ITK: variants seen among roughly 807,000 people sequenced by gnomAD.
The protein encoded by ITK is tyrosine-protein kinase ITK/TSK.
ITK carries 45 observed loss-of-function variants against 87.6 expected under a neutral mutation model. The ratio of observed to expected loss-of-function variants is 0.51; its 90% CI spans 0.40 to 0.66. The LOEUF (loss-of-function observed/expected upper bound fraction) is 0.66. Ranked by LOEUF, ITK falls within the 30% of genes least tolerant of loss-of-function variation. The probability of loss-of-function intolerance (pLI) is 0.00; values close to 1 mark genes in which losing one functional copy is unlikely to be tolerated. For synonymous variants in ITK, 303 were observed against 273.6 expected (o/e 1.11, Z -1.06); for missense variants, 605 against 766.3 (o/e 0.79, Z 2.48).
intron 1 of ITK, among the ~76,000 whole-genome samples, chr5:157,200,665 C>T (rs1214654329): frequency 6.6e-6 from 1 of 152,130 alleles, no homozygotes; most frequent in African/African-American, 2.4e-5. Context: ...TGGTGGATCC[C>T]AAGCACTCAT....
Position 157,244,287 on chromosome 5 carries a change from C to G in ITK, c.1258C>G (p.Gln420Glu). 6.2e-7 allele frequency: 1 copy of G among 1,614,190 alleles called. No individual in the cohort carries two copies. Among genetic ancestry groups the G allele is most frequent in the South Asian group, 1.1e-5 (1 of 91,084 alleles). ...GAAACTCTCTCATCCCAAACTGGTG[C>G]AGCTGTATGGGGTGTGCCTGGAGCA... Reference protein sequence around the residue: ...MMKLSHPKLVQLYGVCLEQAP... With the variant: ...MMKLSHPKLVELYGVCLEQAP... The change falls in exon 13 of 17, where the codon CAG becomes GAG. Residue 420 changes from glutamine (Q) to glutamate (E), a missense_variant. By Grantham distance (29) the Gln-to-Glu change is conservative. This residue lies in a region of ITK where 464 missense variants were observed against 578.0 expected (regional missense o/e 0.80). Coordinates refer to ENST00000422843, the MANE Select transcript of ITK (RefSeq NM_005546.4).
At chr5:157,204,504 C>T (rs1361554984) in intron 1 of ITK, among the ~76,000 whole-genome samples, 1 of 152,140 alleles carries the variant, frequency 6.6e-6, no homozygotes, top group African/African-American at 2.4e-5. Flanking sequence ...TGGAGACCAT[C>T]CTGGCTATCA....
chr5:157,195,359 G>C (rs1258575444), intron 1 of ITK: 1 of 152,104 alleles, frequency 6.6e-6, no homozygotes, highest in Non-Finnish European at 1.5e-5. Context: ...TTGTCCCCTT[G>C]CCTCCGTGCC....
intron 1 of ITK, among the ~76,000 whole-genome samples, chr5:157,187,593 G>A (rs574540105): frequency 3.6e-4 from 55 of 152,280 alleles, no homozygotes; most frequent in South Asian, 1.9e-3. Context: ...GTGGCCTATC[G>A]TTGAACAAGG....
intron 2 of ITK, among the ~76,000 whole-genome samples, chr5:157,210,618 T>C (rs1196691916): frequency 6.6e-6 from 1 of 151,134 alleles, no homozygotes; most frequent in Non-Finnish European, 1.5e-5. Flanking sequence ...TATGTATACA[T>C]GTGCCGTGCT....
intron 9 of ITK, among the ~76,000 whole-genome samples, chr5:157,239,276 C>T (rs1454007236): frequency 6.6e-6 from 1 of 152,170 alleles, no homozygotes; most frequent in African/African-American, 2.4e-5. Context: ...ACACATGGGA[C>T]AAAATCTAGA....
intron 1 of ITK, among the ~76,000 whole-genome samples, chr5:157,201,950 G>A (rs1331965960): frequency 6.6e-6 from 1 of 152,142 alleles, no homozygotes; most frequent in East Asian, 1.9e-4. Flanking sequence ...CAGGTAATAA[G>A]CATAGTACCC....
rs750672947 is a variant in ITK, at chr5:157,197,155, A to C, written c.139-11734A>C. Among the ~76,000 whole-genome samples the C allele has an allele frequency of 6.6e-4, 101 of 152,208 alleles. 1 individual carries two copies. Among genetic ancestry groups the C allele is most frequent in the Non-Finnish European group, 7.5e-4 (51 of 68,036 alleles). ...GATAAATATACCCATATAAAAGCACACTGAATTACTTTATTAGAATCTATG... is the reference window on the plus strand; with the variant it reads ...GATAAATATACCCATATAAAAGCACCCTGAATTACTTTATTAGAATCTATG... On this transcript the variant is annotated intron_variant, in intron 1 of 16. Transcript: ENST00000422843.
intron 16 of ITK, among the ~76,000 whole-genome samples, chr5:157,250,142 A>G (rs545549526): frequency 6.6e-6 from 1 of 152,302 alleles, no homozygotes; most frequent in Admixed American, 6.5e-5. Flanking sequence ...GGTTTTCACA[A>G]ATTCATGTAT....
intron 2 of ITK, 45 bp downstream of exon 2, chr5:157,209,038 T>A: frequency 7.6e-7 from 1 of 1,316,820 alleles, no homozygotes; most frequent in African/African-American, 1.4e-5. Context: ...GGACTGTGGT[T>A]AAAATCTTCA....
At chr5:157,246,038 G>C in intron 15 of ITK, 39 bp downstream of exon 15, 1 of 1,355,832 alleles carries the variant, frequency 7.4e-7, no homozygotes, top group African/African-American at 1.4e-5. Context: ...CATGATCTGG[G>C]CTTCAGGCCA....
rs1437678969 is a variant in ITK at position 157,214,337 on chromosome 5, C to G, written c.454+18C>G. 1 of 1,609,050 alleles carries G rather than the reference C, an allele frequency of 6.2e-7. No individual in the cohort carries two copies. The highest frequency in any genetic ancestry group is 1.1e-5 in the South Asian group (1 of 90,970). On this transcript the variant is annotated intron_variant, in intron 4 of 16. Transcript: ENST00000422843. ...CAAGAATGGTAAGAGACTGGGAATTCCCTCTAGTTTTTGTGAAATGACCAT... is the reference window on the plus strand; with the variant it reads ...CAAGAATGGTAAGAGACTGGGAATTGCCTCTAGTTTTTGTGAAATGACCAT...
At chr5:157,248,779 A>G in intron 15 of ITK, 71 bp from the exon 16 acceptor site, 1 of 1,555,970 alleles carries the variant, frequency 6.4e-7, no homozygotes, top group Non-Finnish European at 8.9e-7. Context: ...TGTAATTTCT[A>G]GAGGCAGGTT....
chr5:157,252,246 C>G (rs1478414100), intron 16 of ITK, among the ~76,000 whole-genome samples: 1 of 151,928 alleles, frequency 6.6e-6, no homozygotes, highest in Non-Finnish European at 1.5e-5. Context: ...TTTTGGTGTT[C>G]TTTAGCATTA....
chr5:157,188,127 C>T lies in ITK; in HGVS notation c.138+7012C>T, dbSNP rs185276295. 2.6e-4 allele frequency among the ~76,000 whole-genome samples: 39 copies of T among 152,262 alleles called. 1 individual carries two copies. The South Asian group carries it at 3.3e-3, about 13-fold the overall frequency. Reference sequence around the variant, plus strand: ...TGCAGATAATATTCTTAAAACTACCCAGGCATTTTTACTTGTGACATTGAG... The same window carrying T: ...TGCAGATAATATTCTTAAAACTACCTAGGCATTTTTACTTGTGACATTGAG... On this transcript the variant is annotated intron_variant, in intron 1 of 16. Transcript: ENST00000422843.
chr5:157,233,687 G>C (rs1192482420), intron 8 of ITK, among the ~76,000 whole-genome samples: 1 of 151,974 alleles, frequency 6.6e-6, no homozygotes, highest in Non-Finnish European at 1.5e-5. Context: ...AGTAGAACTT[G>C]ATTAATATGA....
At chr5:157,218,440 G>C (rs1438774312) in intron 5 of ITK, among the ~76,000 whole-genome samples, 2 of 149,812 alleles carry the variant, frequency 1.3e-5, no homozygotes, top group African/African-American at 4.9e-5. Flanking sequence ...CCAGGAGGTC[G>C]AGACTGCAGT....
At chr5:157,212,993 CATTT>C (rs981639984) in intron 3 of ITK, among the ~76,000 whole-genome samples, 8 of 152,216 alleles carry the variant, frequency 5.3e-5, no homozygotes, top group South Asian at 2.1e-4. Context: ...GTGGTTGGTT[CATTT>C]ATTTATTTAT....
intron 1 of ITK, among the ~76,000 whole-genome samples, chr5:157,184,594 T>C (rs1753605353): frequency 6.6e-6 from 1 of 152,136 alleles, no homozygotes; most frequent in African/African-American, 2.4e-5. Context: ...GCATCATAGA[T>C]TGGTGTGGCT....
Sources: gnomAD v4.1 joint callset for allele counts (sites outside exome capture counted in the v4.1 genomes callset) on GRCh38, gnomAD v4.1.1 for gene constraint, gnomAD v4.1.1 regional missense constraint, MANE v1.5 for transcripts, NCBI Gene and HGNC (gene_info 2026-07-23, HGNC 2026-07-21) for gene names.